Variants in ASH2L observed in about 807,000 individuals in gnomAD.
The protein encoded by ASH2L is ASH2 like, histone lysine methyltransferase complex subunit, also known as set1/Ash2 histone methyltransferase complex subunit ASH2.
In ASH2L, 30 loss-of-function variants were observed where a neutral mutation model predicts 81.1. The observed-to-expected ratio is 0.37, with a 90% confidence interval of 0.28 to 0.50. ASH2L has a LOEUF of 0.50. Among genes scored for constraint, ASH2L ranks in the 20% least tolerant of loss-of-function variants. The pLI, the probability that ASH2L is intolerant of heterozygous loss-of-function variation, is 0.95. For synonymous variants in ASH2L, 273 were observed against 279.9 expected, an observed-to-expected ratio of 0.98 and a Z score of 0.24; for missense variants, 559 against 792.1, an observed-to-expected ratio of 0.71 and a Z score of 3.53.
intron 11 of ASH2L, 117 bp downstream of exon 11, chr8:38,128,575 C>T: frequency 6.8e-7 from 1 of 1,477,708 alleles, no homozygotes; most frequent in South Asian, 1.4e-5. Flanking sequence ...AATTCAGTTC[C>T]TGAGGGTTGA....
At chr8:38,132,451 C>T (rs994769204) in intron 12 of ASH2L, among the ~76,000 whole-genome samples, 15 of 152,170 alleles carry the variant, frequency 9.9e-5, no homozygotes, top group Admixed American at 1.3e-4. Flanking sequence ...CCTGTGGGAA[C>T]AGATGGGAAA....
chr8:38,128,560 C>A, intron 11 of ASH2L, 102 bp downstream of exon 11: 4 of 1,496,096 alleles, frequency 2.7e-6, no homozygotes, highest in Non-Finnish European at 3.6e-6. Flanking sequence ...AGATTGTGGG[C>A]ATAGAATTCA....
intron 10 of ASH2L, among the ~76,000 whole-genome samples, chr8:38,126,397 A>T (rs1000154867): frequency 1.3e-5 from 2 of 152,096 alleles, no homozygotes; most frequent in African/African-American, 2.4e-5. Flanking sequence ...AGAGAAGGGG[A>T]TATTACTTGG....
Position 38,110,368 on chromosome 8 carries a change from C to G in ASH2L, c.402-11C>G. 6.2e-7 allele frequency: 1 copy of G among 1,610,142 alleles called. No individual in the cohort carries two copies. The highest frequency in any genetic ancestry group is 8.5e-7 in the Non-Finnish European group (1 of 1,176,386). ...AAGTTCACTAATTCGTATAATTTGG[C>G]TCTTCGGCAGATCCTGTCTACCTTT... On this transcript the variant is annotated splice_polypyrimidine_tract_variant and intron_variant, in intron 3 of 15. Transcript: ENST00000343823.
chr8:38,136,359 G>T (rs540873558), intron 14 of ASH2L, among the ~76,000 whole-genome samples: 1 of 137,814 alleles, frequency 7.3e-6, no homozygotes, highest in Non-Finnish European at 1.5e-5. Context: ...GAGGCATGAG[G>T]TACCACATCT....
In ASH2L at chr8:38,138,643, T is replaced by A. The variant is rs1015382491; in HGVS notation, c.1720-173T>A. ...TCTCTTTTAGTTACCTAATTCTTGA[T>A]GGACATCAGGATGTTGACCACTTTT... On this transcript the variant is annotated intron_variant, in intron 14 of 15. Transcript: ENST00000343823. 3 of 563,318 alleles carry A rather than the reference T, an allele frequency of 5.3e-6. No individual in the cohort carries two copies. In the African/African-American group the frequency reaches 5.6e-5, roughly 11 times the overall value. The allele number at this position is 563,318 out of a possible 1,614,324, so 34.9% of individuals were successfully genotyped here. A position where few individuals can be genotyped will look rare whatever the true frequency, so the allele number is the denominator to read the frequency against.
chr8:38,110,544 G>A lies in ASH2L; in HGVS notation c.490+77G>A, dbSNP rs1810640060. The A allele has an allele frequency of 2.1e-6, 3 of 1,419,296 alleles. No individual in the cohort carries two copies. In the Admixed American group the frequency reaches 5.2e-5, roughly 24 times the overall value. The allele number at this position is 1,419,296 out of a possible 1,614,324, so 87.9% of individuals were successfully genotyped here. ...AGGGATCTGGGCGTAGCAGAATCAGGAGACCTTTGCCTAGTAGCTGGTATA... is the reference window on the plus strand; with the variant it reads ...AGGGATCTGGGCGTAGCAGAATCAGAAGACCTTTGCCTAGTAGCTGGTATA... On this transcript the variant is annotated intron_variant, in intron 4 of 15. Coordinates refer to ENST00000343823, the MANE Select transcript of ASH2L (RefSeq NM_004674.5).
chr8:38,118,981 A>G, intron 8 of ASH2L: 1 of 280,786 alleles, frequency 3.6e-6, no homozygotes, highest in Non-Finnish European at 6.7e-6. Flanking sequence ...ACACCCTGAG[A>G]AAGTATACCA....
intron 13 of ASH2L, 102 bp downstream of exon 13, chr8:38,133,648 AG>A (rs1456882450): frequency 3.2e-6 from 3 of 926,752 alleles, no homozygotes; most frequent in Non-Finnish European, 3.2e-6. Context: ...AGGGGAATGA[AG>A]GGGCATCTGG....
At chr8:38,111,817 A>C (rs1810693450) in intron 5 of ASH2L, among the ~76,000 whole-genome samples, 2 of 152,230 alleles carry the variant, frequency 1.3e-5, no homozygotes, top group Non-Finnish European at 2.9e-5. Flanking sequence ...ATACAACCAC[A>C]GTGCCATAAT....
Position 38,139,215 on chromosome 8 carries a change from C to G in ASH2L, c.*144C>G. ...CAAGTTAAAAGGCTGGGTAGGACTG[C>G]GGGAGACTGCCTGCCTTTCACCATT... On this transcript the variant is annotated 3_prime_UTR_variant, in exon 16 of 16. Transcript: ENST00000343823. 1.6e-6 allele frequency: 1 copy of G among 626,786 alleles called. No individual in the cohort carries two copies. The highest frequency in any genetic ancestry group is 2.7e-6 in the Non-Finnish European group (1 of 370,642). The allele number at this position is 626,786 out of a possible 1,614,324, so 38.8% of individuals were successfully genotyped here. A position where few individuals can be genotyped will look rare whatever the true frequency, so the allele number is the denominator to read the frequency against.
intron 8 of ASH2L, chr8:38,118,962 A>G (rs1396385674): frequency 4.0e-6 from 1 of 249,750 alleles, no homozygotes; most frequent in African/African-American, 2.3e-5. Flanking sequence ...GTGAGAATGC[A>G]TTTGTGTCAC....
chr8:38,125,456 G>A (rs1373331063), intron 10 of ASH2L, among the ~76,000 whole-genome samples: 1 of 151,718 alleles, frequency 6.6e-6, no homozygotes, highest in Non-Finnish European at 1.5e-5. Context: ...CCCCTTCTCT[G>A]CTAAAAATAC....
At chr8:38,116,402 G>A (rs1404440838) in intron 7 of ASH2L, among the ~76,000 whole-genome samples, 3 of 151,778 alleles carry the variant, frequency 2.0e-5, no homozygotes, top group Admixed American at 2.0e-4. Flanking sequence ...GCGTGTTGGT[G>A]TGTGCCTATA....
At chr8:38,135,793 C>G (rs755334466) in intron 14 of ASH2L, 27 bp downstream of exon 14, 6 of 1,537,292 alleles carry the variant, frequency 3.9e-6, no homozygotes, top group East Asian at 4.5e-5. Flanking sequence ...ATCCCATGAG[C>G]AAAACTTGAG....
chr8:38,128,901 C>A lies in ASH2L; in HGVS notation c.1477C>A (p.Pro493Thr), dbSNP rs151290178. Reference protein sequence around the residue: ...GDVLGFYINLPEDTETAKSLP... With the variant: ...GDVLGFYINLTEDTETAKSLP... ...CGTCCTGGGATTTTATATTAATCTT[C>A]CTGAAGACACAGAGACAGCCAAGTC... Residue 493 changes from proline to threonine, a missense_variant, in exon 12 of 16, where the codon CCT becomes ACT. Physicochemically the swap from Pro to Thr is conservative, Grantham distance 38 (BLOSUM62 -1). Coordinates refer to ENST00000343823, the MANE Select transcript of ASH2L (RefSeq NM_004674.5). 6.2e-7 allele frequency: 1 copy of A among 1,613,960 alleles called. No individual in the cohort carries two copies. The highest frequency in any genetic ancestry group is 1.1e-5 in the South Asian group (1 of 91,046).
At position 38,106,556 on chromosome 8, in the gene ASH2L, G is replaced by A. The variant is rs1291050027; in HGVS notation, c.255+112G>A. 4.5e-6 allele frequency: 4 copies of A among 884,158 alleles called. No individual in the cohort carries two copies. The African/African-American group carries it at 5.3e-5, about 12-fold the overall frequency. 54.8% of individuals were successfully genotyped at this position (884,158 alleles called of 1,614,324 possible). On this transcript the variant is annotated intron_variant, in intron 2 of 15. Coordinates refer to ENST00000343823, the MANE Select transcript of ASH2L (RefSeq NM_004674.5). ...GGAGCCTTGCTCTGTCGCCCAGGCT[G>A]GAATGCAGTGGCGCGATCTCGGCTC...
chr8:38,105,945 G>A, intron 1 of ASH2L: 1 of 1,504,488 alleles, frequency 6.6e-7, no homozygotes, highest in Non-Finnish European at 8.8e-7. Context: ...GGTGGGAGCT[G>A]AGGCTCCTGT....
Position 38,116,394 on chromosome 8 carries a change from G to A in ASH2L, c.778-256G>A, listed in dbSNP as rs72643066. On this transcript the variant is annotated intron_variant, in intron 7 of 15. Transcript: ENST00000343823. ...AAAAAATAATAATAATTAGCCAGGC[G>A]TGTTGGTGTGTGCCTATAATCCCAG... Among the ~76,000 whole-genome samples, 1,441 of 151,852 alleles carry A rather than the reference G, an allele frequency of 9.5e-3. 13 individuals are homozygous for A. Among genetic ancestry groups the A allele is most frequent in the Non-Finnish European group, 0.011 (763 of 67,968 alleles).
Sources: gnomAD v4.1 joint callset for allele counts (sites outside exome capture counted in the v4.1 genomes callset) on GRCh38, gnomAD v4.1.1 for gene constraint, MANE v1.5 for transcripts, NCBI Gene and HGNC (gene_info 2026-07-23, HGNC 2026-07-21) for gene names.